MTX3: variants seen among roughly 807,000 people sequenced by gnomAD.
The protein encoded by MTX3 is metaxin 3, also known as metaxin-3.
MTX3 carries 27 observed loss-of-function variants against 42.5 expected under a neutral mutation model. The observed-to-expected ratio is 0.64, with a 90% confidence interval of 0.47 to 0.88. The LOEUF (loss-of-function observed/expected upper bound fraction) is 0.88, where lower values mean the gene tolerates loss of function less well. MTX3 is among the 40% of genes least tolerant of loss of function. MTX3 has a pLI of 0.00. For missense variants in MTX3, 378 were observed against 367.0 expected (o/e 1.03, Z -0.25); for synonymous variants, 144 against 132.9 (o/e 1.08, Z -0.57).
chr5:79,990,798 C>G, intron 1 of MTX3, 135 bp from the exon 2 acceptor site: 1 of 770,376 alleles, frequency 1.3e-6, no homozygotes, highest in Non-Finnish European at 2.3e-6. Context: ...CCCGTGATCT[C>G]AAGTAGGGAC....
At chr5:79,990,556 A>T (rs773578153) in intron 2 of MTX3, 38 bp downstream of exon 2, 2 of 1,308,136 alleles carry the variant, frequency 1.5e-6, no homozygotes, top group East Asian at 2.3e-5. Flanking sequence ...AAGAAAAAAA[A>T]GAGTGCAGAA....
At chr5:79,990,992 A>C in intron 1 of MTX3, 166 bp downstream of exon 1, 1 of 785,434 alleles carries the variant, frequency 1.3e-6, no homozygotes, top group Non-Finnish European at 2.2e-6. Context: ...CGGCGGGGGT[A>C]TCGGCCAGGT....
chr5:79,990,542 G>T (rs544505307), intron 2 of MTX3, 52 bp downstream of exon 2: 3 of 1,194,172 alleles, frequency 2.5e-6, no homozygotes, highest in South Asian at 3.1e-5. Context: ...GCTTTAAATG[G>T]AAGAAGAAAA....
Position 79,987,966 on chromosome 5 carries a change from C to T in MTX3, c.581+273G>A, listed in dbSNP as rs1831535742. On this transcript the variant is annotated intron_variant, in intron 6 of 8. Coordinates refer to ENST00000512528, the MANE Select transcript of MTX3 (RefSeq NM_001363818.2). ...AAGTAGCTGGGATTACAGGTGCCCA[C>T]CACCACACGCAGCTAATTTTTTGTA... Among the ~76,000 whole-genome samples the T allele has an allele frequency of 2.0e-5, 3 of 152,110 alleles. No individual in the cohort carries two copies. In the South Asian group the frequency reaches 6.2e-4, roughly 32 times the overall value.
chr5:79,991,193 G>GTCCCCAGCCGCC lies in MTX3; in HGVS notation c.34_45dup (p.Gly12_Gly15dup). 2.0e-6 allele frequency: 3 copies of GTCCCCAGCCGCC among 1,489,318 alleles called. No individual in the cohort carries two copies. Among genetic ancestry groups the GTCCCCAGCCGCC allele is most frequent in the South Asian group, 2.6e-5 (2 of 75,618 alleles). The allele number at this position is 1,489,318 out of a possible 1,614,324, so 92.3% of individuals were successfully genotyped here. ...AGGGACTCGCTGTGAACCGATGGGA[G>GTCCCCAGCCGCC]TCCCCAGCCGCCTCCCCAGCAACTG... On this transcript the variant is annotated inframe_insertion, in exon 1 of 9. Coordinates refer to ENST00000512528, the MANE Select transcript of MTX3 (RefSeq NM_001363818.2).
At chr5:79,991,038 C>A (rs1386819676) in intron 1 of MTX3, 120 bp downstream of exon 1, 3 of 1,045,928 alleles carry the variant, frequency 2.9e-6, no homozygotes, top group Non-Finnish European at 4.4e-6. Context: ...CAGGGCAATG[C>A]AGCGTGCAGC....
Position 79,977,273 on chromosome 5 carries a change from GT to G in MTX3, c.*6410del, listed in dbSNP as rs1426930843. The G allele has an allele frequency of 1.3e-5, 2 of 152,324 alleles. No homozygotes were observed. Among genetic ancestry groups the G allele is most frequent in the Admixed American group, 1.3e-4 (2 of 15,304 alleles). The allele number at this position is 152,324 out of a possible 1,614,324, so 9.4% of individuals were successfully genotyped here. A position where few individuals can be genotyped will look rare whatever the true frequency, so the allele number is the denominator to read the frequency against. On this transcript the variant is annotated 3_prime_UTR_variant, in exon 9 of 9. Coordinates refer to ENST00000512528, the MANE Select transcript of MTX3 (RefSeq NM_001363818.2). ...GAAGCCAGAACTTCAGAAGTAGCCA[GT>G]GGTCCAAAGAATAAATGGCCCCATG...
chr5:79,988,731 T>G (rs530665150), intron 4 of MTX3, 87 bp from the exon 5 acceptor site: 2 of 1,195,644 alleles, frequency 1.7e-6, no homozygotes, highest in Non-Finnish European at 1.2e-6. Context: ...TTCATAAATA[T>G]CTTTATATGA....
In MTX3 at chr5:79,985,627, C is replaced by T. The variant is rs1265726766; in HGVS notation, c.772G>A (p.Ala258Thr). ...ISPAGQETVD[A>T]NLQKLTQLVN... is the part of the protein sequence containing the mutation. ...AGTTGTGTGAGTTTCTGCAGATTTG[C>T]ATCTACCGTTTCTTGTCCAGCTGGA... The change falls in exon 8 of 9, where the codon GCA becomes ACA. Residue 258 changes from alanine to threonine, a missense_variant. Physicochemically the swap from Ala to Thr is moderately conservative, Grantham distance 58. Transcript: ENST00000512528. The T allele has an allele frequency of 5.0e-6, 8 of 1,613,434 alleles. No individual in the cohort carries two copies. The East Asian group carries it at 1.8e-4, about 36-fold the overall frequency.
Position 79,987,004 on chromosome 5 carries a change from G to A in MTX3, c.685C>T (p.Leu229Phe). ...AGGATGTCATCACAAAAGCGACAGA[G>A]GTTGGAGAGCTGTTTCAGATGTTCT... Reference protein sequence around the residue: ...LQEHLKQLSNLCRFCDDILSS... With the variant: ...LQEHLKQLSNFCRFCDDILSS... Residue 229 changes from leucine to phenylalanine, a missense_variant, in exon 7 of 9, where the codon CTC becomes TTC. Leu to Phe is a conservative substitution (Grantham distance 22, BLOSUM62 0). Coordinates refer to ENST00000512528, the MANE Select transcript of MTX3 (RefSeq NM_001363818.2). 6.2e-7 allele frequency: 1 copy of A among 1,613,980 alleles called. No individual in the cohort carries two copies. Among genetic ancestry groups the A allele is most frequent in the South Asian group, 1.1e-5 (1 of 91,082 alleles).
intron 7 of MTX3, chr5:79,986,517 A>T: frequency 3.2e-6 from 1 of 309,530 alleles, no homozygotes; most frequent in South Asian, 2.8e-5. Context: ...ATGGCAGTGT[A>T]CCTCACCAAA....
chr5:79,978,205 T>G lies in MTX3; in HGVS notation c.*5479A>C, dbSNP rs1216981461. 1 of 152,196 alleles carries G rather than the reference T, an allele frequency of 6.6e-6. No individual in the cohort carries two copies. The highest frequency in any genetic ancestry group is 1.5e-5 in the Non-Finnish European group (1 of 68,076). 9.4% of individuals were successfully genotyped at this position (152,196 alleles called of 1,614,324 possible). The stretch of plus-strand genomic sequence containing the variant: ...AGGGGCACCCAACAACAAGAAACCT[T>G]TGTAATGAGTATGAACTAGCAAAAA... On this transcript the variant is annotated 3_prime_UTR_variant, in exon 9 of 9. Coordinates refer to ENST00000512528, the MANE Select transcript of MTX3 (RefSeq NM_001363818.2).
chr5:79,990,116 G>A (rs1230251399), intron 3 of MTX3, 44 bp downstream of exon 3: 21 of 1,255,094 alleles, frequency 1.7e-5, no homozygotes, highest in Non-Finnish European at 2.4e-5. Context: ...AACATGCAGG[G>A]ATCAACAATC....
chr5:79,980,425 C>T lies in MTX3; in HGVS notation c.*3259G>A, dbSNP rs1165413927. The T allele has an allele frequency of 6.6e-6, 1 of 151,980 alleles. No individual in the cohort carries two copies. Among genetic ancestry groups the T allele is most frequent in the Admixed American group, 6.6e-5 (1 of 15,258 alleles). 9.4% of individuals were successfully genotyped at this position (151,980 alleles called of 1,614,324 possible). Reference sequence around the variant, plus strand: ...AAAATGCTTGCTTTTATAAAATCTCCAGTCTCGCAGCACCCCCAATATAAT... The same window carrying T: ...AAAATGCTTGCTTTTATAAAATCTCTAGTCTCGCAGCACCCCCAATATAAT... On this transcript the variant is annotated 3_prime_UTR_variant, in exon 9 of 9. Transcript: ENST00000512528.
In MTX3 at chr5:79,981,968, G is replaced by A. The variant is rs949982693; in HGVS notation, c.*1716C>T. On this transcript the variant is annotated 3_prime_UTR_variant, in exon 9 of 9. Transcript: ENST00000512528. ...CAGCATAAGCAGATGTCTGATGAAT[G>A]TGCTAACCACCCTTCTCCAATATAC... 6.5e-6 allele frequency: 1 copy of A among 154,932 alleles called. No homozygotes were observed. Among genetic ancestry groups the A allele is most frequent in the Non-Finnish European group, 1.4e-5 (1 of 69,750 alleles). The allele number at this position is 154,932 out of a possible 1,614,324, so 9.6% of individuals were successfully genotyped here. A position where few individuals can be genotyped will look rare whatever the true frequency, so the allele number is the denominator to read the frequency against.
intron 8 of MTX3, among the ~76,000 whole-genome samples, chr5:79,985,217 A>G (rs1580885146): frequency 6.6e-6 from 1 of 152,054 alleles, no homozygotes; most frequent in African/African-American, 2.4e-5. Context: ...TCATGACCTC[A>G]TGATCTGCCC....
chr5:79,986,523 C>G (rs1042337123), intron 7 of MTX3: 25 of 311,534 alleles, frequency 8.0e-5, no homozygotes, highest in African/African-American at 5.2e-4. Flanking sequence ...GTGTACCTCA[C>G]CAAAATCAAT....
In MTX3 at chr5:79,977,844, T is replaced by C. The variant is rs1207364131; in HGVS notation, c.*5840A>G. ...GATGTATGTATCATACTAGCTTGTATGTGACTTTAGTGTCATAAACACCCA... is the reference window on the plus strand; with the variant it reads ...GATGTATGTATCATACTAGCTTGTACGTGACTTTAGTGTCATAAACACCCA... On this transcript the variant is annotated 3_prime_UTR_variant, in exon 9 of 9. Coordinates refer to ENST00000512528, the MANE Select transcript of MTX3 (RefSeq NM_001363818.2). The C allele has an allele frequency of 6.6e-6, 1 of 152,262 alleles. No homozygotes were observed. The highest frequency in any genetic ancestry group is 1.5e-5 in the Non-Finnish European group (1 of 68,042). 9.4% of individuals were successfully genotyped at this position (152,262 alleles called of 1,614,324 possible). A position where few individuals can be genotyped will look rare whatever the true frequency, so the allele number is the denominator to read the frequency against.
rs1482968858 is a variant in MTX3, at chr5:79,991,168, A to G, written c.71T>C (p.Leu24Pro). 6.5e-7 allele frequency: 1 copy of G among 1,537,166 alleles called. No individual in the cohort carries two copies. The highest frequency in any genetic ancestry group is 8.8e-7 in the Non-Finnish European group (1 of 1,138,760). The change falls in exon 1 of 9, where the codon CTG becomes CCG. Residue 24 changes from leucine to proline, a missense_variant. Coordinates refer to ENST00000512528, the MANE Select transcript of MTX3 (RefSeq NM_001363818.2). The stretch of plus-strand genomic sequence containing the variant: ...GCGAGGCGGCCTCACCATCACCACC[A>G]GGGACTCGCTGTGAACCGATGGGAG... ...WGLPSVHSES[L>P]VVMAYAKFSG...
Sources: allele counts gnomAD v4.1 joint callset (sites outside exome capture counted in the v4.1 genomes callset), GRCh38; gene constraint gnomAD v4.1.1; transcripts MANE v1.5; gene names NCBI Gene and HGNC (gene_info 2026-07-23, HGNC 2026-07-21).